Variants in CSMD1 observed in about 807,000 individuals in gnomAD.
CSMD1 encodes CUB and sushi domain-containing protein 1.
In CSMD1, 213 loss-of-function variants were observed where a neutral mutation model predicts 417.5. That is an observed-to-expected ratio of 0.51 (90% confidence interval 0.46 to 0.57). The LOEUF (loss-of-function observed/expected upper bound fraction) is 0.57. Among genes scored for constraint, CSMD1 ranks in the 20% least tolerant of loss-of-function variants. The pLI is 0.00. For missense variants in CSMD1, 6,923 were observed against 4,529.7 expected (o/e 1.53, Z -15.17); for synonymous variants, 2,862 against 1,736.8 (o/e 1.65, Z -16.11).
At chr8:3,670,646 G>C (rs1417938110) in intron 7 of CSMD1, among the ~76,000 whole-genome samples, 1 of 124,912 alleles carries the variant, frequency 8.0e-6, no homozygotes, top group East Asian at 2.2e-4. Context: ...TATATATGAA[G>C]GATATATACA....
intron 2 of CSMD1, among the ~76,000 whole-genome samples, chr8:4,621,856 A>G (rs1332016096): frequency 6.6e-6 from 1 of 152,264 alleles, no homozygotes; most frequent in South Asian, 2.1e-4. Context: ...GTACTCTGGA[A>G]TGAGAAGTTG....
At chr8:3,926,036 C>CACACCAT (rs1374572581) in intron 5 of CSMD1, among the ~76,000 whole-genome samples, 101 of 138,204 alleles carry the variant, frequency 7.3e-4, no homozygotes, top group Non-Finnish European at 1.2e-3. Context: ...CACACACACA[C>CACACCAT]ACACACAAAC....
At chr8:3,367,370 G>C in intron 19 of CSMD1, 123 bp from the exon 20 acceptor site, 2 of 646,546 alleles carry the variant, frequency 3.1e-6, no homozygotes, top group Non-Finnish European at 5.4e-6. Context: ...GAGAGGAAGA[G>C]AAAATAAGAG....
chr8:3,191,171 C>A (rs1347601937), intron 33 of CSMD1, among the ~76,000 whole-genome samples: 1 of 152,128 alleles, frequency 6.6e-6, no homozygotes, highest in African/African-American at 2.4e-5. Context: ...CTAACAAGCC[C>A]CAGCCGGGTG....
chr8:4,863,538 G>A (rs1563619595), intron 1 of CSMD1, among the ~76,000 whole-genome samples: 1 of 151,854 alleles, frequency 6.6e-6, no homozygotes, highest in Non-Finnish European at 1.5e-5. Flanking sequence ...CATTCCTATT[G>A]GTATCCCATA....
At chr8:3,892,642 G>A (rs1807056864) in intron 5 of CSMD1, among the ~76,000 whole-genome samples, 1 of 151,578 alleles carries the variant, frequency 6.6e-6, no homozygotes, top group African/African-American at 2.4e-5. Flanking sequence ...CTGTTGCTTG[G>A]CACGTCGTGG....
At chr8:3,588,901 T>C (rs1421222216) in intron 8 of CSMD1, among the ~76,000 whole-genome samples, 5 of 151,994 alleles carry the variant, frequency 3.3e-5, no homozygotes, top group African/African-American at 1.2e-4. Flanking sequence ...AAATCACCCA[T>C]GTAACATATG....
intron 3 of CSMD1, among the ~76,000 whole-genome samples, chr8:4,045,014 T>C (rs2130657971): frequency 6.6e-6 from 1 of 152,346 alleles, no homozygotes; most frequent in Non-Finnish European, 1.5e-5. Flanking sequence ...TACAATGTTA[T>C]GCCTGAATCT....
At chr8:4,757,045 A>T (rs1487446402) in intron 1 of CSMD1, among the ~76,000 whole-genome samples, 1 of 152,252 alleles carries the variant, frequency 6.6e-6, no homozygotes, top group Non-Finnish European at 1.5e-5. Flanking sequence ...GCAGGAATGC[A>T]TTGTGTTTAA....
intron 5 of CSMD1, among the ~76,000 whole-genome samples, chr8:3,827,024 C>G (rs141094756): frequency 1.3e-5 from 2 of 152,110 alleles, no homozygotes; most frequent in African/African-American, 4.8e-5. Flanking sequence ...TGAAGTGATC[C>G]TCCCATCTTG....
At chr8:3,238,281 G>C (rs935620388) in intron 26 of CSMD1, among the ~76,000 whole-genome samples, 3 of 152,172 alleles carry the variant, frequency 2.0e-5, no homozygotes, top group African/African-American at 4.8e-5. Flanking sequence ...GTTAAGGCAG[G>C]AACAGGCCAT....
At chr8:4,499,192 G>T (rs909647268) in intron 2 of CSMD1, among the ~76,000 whole-genome samples, 2 of 152,180 alleles carry the variant, frequency 1.3e-5, no homozygotes, top group Non-Finnish European at 2.9e-5. Flanking sequence ...ACAGAAAATT[G>T]AGGAGCCTCA....
intron 3 of CSMD1, among the ~76,000 whole-genome samples, chr8:4,268,285 A>T (rs1161521705): frequency 6.6e-6 from 1 of 152,154 alleles, no homozygotes; most frequent in Non-Finnish European, 1.5e-5. Context: ...ATTTGAACAA[A>T]ATGATGACTA....
At chr8:4,697,479 G>C (rs1046971414) in intron 1 of CSMD1, among the ~76,000 whole-genome samples, 12 of 152,096 alleles carry the variant, frequency 7.9e-5, no homozygotes, top group Non-Finnish European at 1.5e-4. Context: ...GCAGCTATTA[G>C]GTATAACATA....
At chr8:3,063,511 G>T (rs1471946776) in intron 49 of CSMD1, among the ~76,000 whole-genome samples, 1 of 152,046 alleles carries the variant, frequency 6.6e-6, no homozygotes, top group Non-Finnish European at 1.5e-5. Context: ...ATACCCAAAA[G>T]GATTAAAAAC....
At chr8:3,665,545 G>A (rs757769495) in intron 7 of CSMD1, among the ~76,000 whole-genome samples, 2 of 151,998 alleles carry the variant, frequency 1.3e-5, no homozygotes, top group Non-Finnish European at 2.9e-5. Flanking sequence ...ATATATATTT[G>A]TCAGGAAAAT....
At chr8:4,029,968 A>T (rs1015954241) in intron 4 of CSMD1, among the ~76,000 whole-genome samples, 1 of 152,146 alleles carries the variant, frequency 6.6e-6, no homozygotes, top group Non-Finnish European at 1.5e-5. Context: ...AAAGCTCCAA[A>T]ATCATTTCCT....
intron 1 of CSMD1, among the ~76,000 whole-genome samples, chr8:4,956,280 T>C (rs1292590276): frequency 1.3e-5 from 2 of 151,876 alleles, no homozygotes; most frequent in Admixed American, 6.6e-5. Flanking sequence ...AGACCTTGCA[T>C]AGTCTCATAA....
chr8:4,319,041 T>G (rs1799107711), intron 3 of CSMD1, among the ~76,000 whole-genome samples: 2 of 152,158 alleles, frequency 1.3e-5, no homozygotes, highest in Non-Finnish European at 2.9e-5. Flanking sequence ...TACAAACTCC[T>G]TGTTTGACCA....
Sources: gnomAD v4.1 joint callset for allele counts (sites outside exome capture counted in the v4.1 genomes callset) on GRCh38, gnomAD v4.1.1 for gene constraint, MANE v1.5 for transcripts, NCBI Gene and HGNC (gene_info 2026-07-23, HGNC 2026-07-21) for gene names.